The following COG7 variants were observed in gnomAD, a reference collection of about 807,000 sequenced individuals.
The protein encoded by COG7 is component of oligomeric golgi complex 7, also known as conserved oligomeric Golgi complex subunit 7.
COG7 carries 49 observed loss-of-function variants against 91.5 expected under a neutral mutation model. The observed-to-expected ratio is 0.54, with a 90% CI of 0.43 to 0.68. The LOEUF is 0.68. Among genes scored for constraint, COG7 ranks in the 30% least tolerant of loss-of-function variants. The probability of loss-of-function intolerance (pLI) is 0.00; values close to 1 mark genes in which losing one functional copy is unlikely to be tolerated. For missense variants in COG7, 895 were observed against 961.3 expected (o/e 0.93, Z 0.91); for synonymous variants, 365 against 388.7 (o/e 0.94, Z 0.72).
intron 6 of COG7, among the ~76,000 whole-genome samples, chr16:23,431,701 C>G (rs1963936796): frequency 2.0e-5 from 3 of 150,914 alleles, no homozygotes; most frequent in African/African-American, 7.3e-5. Context: ...CCCAGCTACT[C>G]AGGAGGCTGA....
At chr16:23,436,343 G>A (rs1182966979) in intron 4 of COG7, among the ~76,000 whole-genome samples, 1 of 152,100 alleles carries the variant, frequency 6.6e-6, no homozygotes, top group Non-Finnish European at 1.5e-5. Flanking sequence ...AAATGAACTG[G>A]GCATGTATAC....
In COG7 at chr16:23,388,974, G is replaced by A; in HGVS notation, c.2259C>T (p.Gly753=). 6.2e-7 allele frequency: 1 copy of A among 1,614,162 alleles called. No individual in the cohort carries two copies. The highest frequency in any genetic ancestry group is 1.1e-5 in the South Asian group (1 of 91,074). ...CGGTGGTGGCCAGGCGACGGGGCAG[G>A]CCTTTGCTGACCTGTCTATAGTCCT... is the stretch of plus-strand genomic sequence containing the variant. ...RPEDYRQVSK[G]LPRRLATTVA... is the part of the protein sequence containing the mutation. The change falls in exon 17 of 17, where the codon GGC becomes GGT. Residue 753 remains glycine, a synonymous_variant. Coordinates refer to ENST00000307149, the MANE Select transcript of COG7 (RefSeq NM_153603.4).
At chr16:23,392,331 G>A (rs760138337) in intron 16 of COG7, 49 bp downstream of exon 16, 1 of 1,613,054 alleles carries the variant, frequency 6.2e-7, no homozygotes, top group South Asian at 1.1e-5. Context: ...ACTGACAGAT[G>A]CAGCAGGCAA....
chr16:23,442,604 G>A lies in COG7; in HGVS notation c.477C>T (p.Asn159=), dbSNP rs1402267060. ...VISAKLTGMQ[N]SLMMLVDTPD... is the part of the protein sequence containing the mutation. ...GTGTATCAACAAGCATCATTAAGCT[G>A]TTCTGCATACCTGTTAGCTTGGCAG... Residue 159 remains asparagine (N), a synonymous_variant, in exon 4 of 17, where the codon AAC becomes AAT. Coordinates refer to ENST00000307149, the MANE Select transcript of COG7 (RefSeq NM_153603.4). The A allele has an allele frequency of 1.2e-6, 2 of 1,613,878 alleles. No homozygotes were observed. The highest frequency in any genetic ancestry group is 2.7e-5 in the African/African-American group (2 of 74,910).
At chr16:23,451,178 G>C (rs1964259228) in intron 1 of COG7, among the ~76,000 whole-genome samples, 1 of 152,192 alleles carries the variant, frequency 6.6e-6, no homozygotes, top group Admixed American at 6.6e-5. Context: ...GGGGGAAAGA[G>C]CGAGACTTCG....
At chr16:23,425,503 A>T (rs549750598) in intron 6 of COG7, among the ~76,000 whole-genome samples, 1 of 151,748 alleles carries the variant, frequency 6.6e-6, no homozygotes, top group Admixed American at 6.6e-5. Flanking sequence ...TTAATTTTTT[A>T]TTTTATTTTA....
chr16:23,402,125 T>C (rs117384734), intron 13 of COG7, among the ~76,000 whole-genome samples: 122 of 152,298 alleles, frequency 8.0e-4, no homozygotes, highest in Non-Finnish European at 1.3e-3. Context: ...TAGTGTCTCT[T>C]TTTTCTGGTT....
chr16:23,449,499 T>C (rs768441717), intron 1 of COG7, among the ~76,000 whole-genome samples: 1 of 151,272 alleles, frequency 6.6e-6, no homozygotes, highest in Non-Finnish European at 1.5e-5. Context: ...ATCCCAGCAC[T>C]TTGGGAGGCC....
intron 12 of COG7, among the ~76,000 whole-genome samples, chr16:23,405,522 T>C (rs566635570): frequency 6.6e-6 from 1 of 150,936 alleles, no homozygotes; most frequent in Admixed American, 6.6e-5. Flanking sequence ...TTTTCCTTTT[T>C]TTTTTTTTTT....
chr16:23,430,405 G>A (rs1015668300), intron 6 of COG7, among the ~76,000 whole-genome samples: 6 of 148,294 alleles, frequency 4.0e-5, no homozygotes, highest in Non-Finnish European at 7.4e-5. Flanking sequence ...CTCCAGTGGG[G>A]AAAACAGGGC....
chr16:23,388,872 C>T lies in COG7; in HGVS notation c.*48G>A, dbSNP rs768496469. 20 of 1,611,794 alleles carry T rather than the reference C, an allele frequency of 1.2e-5. No individual in the cohort carries two copies. Among genetic ancestry groups the T allele is most frequent in the Admixed American group, 1.0e-4 (6 of 59,746 alleles). ...TCTGAGCAAATCTGTGCTGGTGAGT[C>T]GCGAAACAGCAGCCCTGGCTCTCTT... On this transcript the variant is annotated 3_prime_UTR_variant, in exon 17 of 17. Coordinates refer to ENST00000307149, the MANE Select transcript of COG7 (RefSeq NM_153603.4).
intron 7 of COG7, among the ~76,000 whole-genome samples, chr16:23,424,450 A>G (rs1487200040): frequency 6.6e-6 from 1 of 152,060 alleles, no homozygotes; most frequent in Non-Finnish European, 1.5e-5. Context: ...CATAACATCT[A>G]CCTGCCTCAC....
Position 23,453,162 on chromosome 16 carries a change from A to G in COG7, c.-168T>C. On this transcript the variant is annotated 5_prime_UTR_variant, in exon 1 of 17. Transcript: ENST00000307149. ...CCCTTTGCGCTTCCCCGCTCAGCGC[A>G]CTCAGTTTGCGGCTGGGAATGACCC... The G allele has an allele frequency of 7.1e-7, 1 of 1,413,666 alleles. No individual in the cohort carries two copies. 87.6% of individuals were successfully genotyped at this position (1,413,666 alleles called of 1,614,324 possible). A position where few individuals can be genotyped will look rare whatever the true frequency, so the allele number is the denominator to read the frequency against.
intron 1 of COG7, among the ~76,000 whole-genome samples, chr16:23,448,249 GCTGATCCCGATCTATTTAT>G (rs1202579436): frequency 6.6e-6 from 1 of 152,112 alleles, no homozygotes; most frequent in African/African-American, 2.4e-5. Flanking sequence ...TCTTTCGCAG[GCTGATCCCGATCTATTTAT>G]CTGCCTCATC....
intron 6 of COG7, among the ~76,000 whole-genome samples, chr16:23,428,225 T>C (rs973257992): frequency 1.3e-5 from 2 of 151,948 alleles, no homozygotes; most frequent in Non-Finnish European, 2.9e-5. Flanking sequence ...GGCACATGCC[T>C]GTAATCCCAG....
chr16:23,425,903 A>G (rs1031794848), intron 6 of COG7, among the ~76,000 whole-genome samples: 4 of 152,108 alleles, frequency 2.6e-5, no homozygotes, highest in African/African-American at 9.7e-5. Flanking sequence ...TTTGATGGTC[A>G]CCAAAAATTA....
intron 10 of COG7, chr16:23,412,994 G>A (rs957502676): frequency 1.1e-5 from 2 of 180,774 alleles, no homozygotes; most frequent in South Asian, 1.2e-4. Flanking sequence ...CCCTTTCACT[G>A]AACTCTTAAA....
chr16:23,411,124 G>A (rs1337046111), intron 10 of COG7, among the ~76,000 whole-genome samples: 1 of 152,166 alleles, frequency 6.6e-6, no homozygotes, highest in Non-Finnish European at 1.5e-5. Flanking sequence ...TCATATGAAA[G>A]GCAGATGAAG....
intron 13 of COG7, among the ~76,000 whole-genome samples, chr16:23,400,278 A>C (rs187129402): frequency 6.6e-6 from 1 of 152,300 alleles, no homozygotes; most frequent in African/African-American, 2.4e-5. Flanking sequence ...GGGCAGATGA[A>C]AAGCTCAAAA....
Sources: allele counts gnomAD v4.1 joint callset (sites outside exome capture counted in the v4.1 genomes callset), GRCh38; gene constraint gnomAD v4.1.1; transcripts MANE v1.5; gene names NCBI Gene and HGNC (gene_info 2026-07-23, HGNC 2026-07-21).